RBM5: variants seen among roughly 807,000 people sequenced by gnomAD.
RBM5 encodes the protein RNA binding motif protein 5.
Under a neutral mutation model 124.6 loss-of-function variants are expected in RBM5, and 15 were observed. That is an observed-to-expected ratio of 0.12 (90% CI 0.08 to 0.19). The LOEUF (loss-of-function observed/expected upper bound fraction) is 0.19. Among genes scored for constraint, RBM5 ranks in the 10% least tolerant of loss-of-function variants. RBM5 has a pLI of 1.00. For synonymous variants in RBM5, 337 were observed against 361.2 expected (o/e 0.93, Z 0.76); for missense variants, 580 against 1,026.5 (o/e 0.57, Z 5.94).
intron 4 of RBM5, among the ~76,000 whole-genome samples, chr3:50,097,634 T>C (rs1380594231): frequency 2.0e-5 from 3 of 152,090 alleles, no homozygotes; most frequent in Admixed American, 6.5e-5. Flanking sequence ...GAGACTAGTA[T>C]ATTTTTGTGG....
rs746587173 is a variant in RBM5, at chr3:50,092,189, G to A, written c.164G>A (p.Arg55Gln). Residue 55 changes from arginine to glutamine, a missense_variant, in exon 3 of 25, where the codon CGA (arginine) becomes CAA (glutamine). Arg to Gln is a conservative substitution (Grantham distance 43). This residue lies in a region of RBM5 where 99 missense variants were observed against 121.1 expected (regional missense o/e 0.82). Transcript: ENST00000347869. ...DRRGDRYDDY[R>Q]DYDSPERERE... ...AGGGGTGATAGATATGATGACTACC[G>A]AGACTATGACAGTCCAGAGGTGAGT... is the stretch of plus-strand genomic sequence containing the variant. 4 of 1,613,442 alleles carry A rather than the reference G, an allele frequency of 2.5e-6. No homozygotes were observed. In the Admixed American group the frequency reaches 5.0e-5, roughly 20 times the overall value.
chr3:50,106,127 T>C (rs2091025027), intron 10 of RBM5, among the ~76,000 whole-genome samples: 1 of 100,666 alleles, frequency 9.9e-6, no homozygotes, highest in South Asian at 4.0e-4. Context: ...TATTTTTTTT[T>C]TTTTTTTTTT....
At chr3:50,090,503 ACTC>A in intron 2 of RBM5, 52 bp downstream of exon 2, 3 of 1,595,432 alleles carry the variant, frequency 1.9e-6, no homozygotes, top group Non-Finnish European at 8.6e-7. Context: ...TGGGGACTGA[ACTC>A]CTTGTTTAAA....
intron 17 of RBM5, 32 bp from the exon 18 acceptor site, chr3:50,113,351 G>A: frequency 2.1e-5 from 34 of 1,587,452 alleles, no homozygotes; most frequent in Non-Finnish European, 2.8e-5. Flanking sequence ...CAGAAAGTCT[G>A]CATTAATTGT....
In RBM5 at chr3:50,100,858, C is replaced by A. The variant is rs2090924108; in HGVS notation, c.483+253C>A. On this transcript the variant is annotated intron_variant, in intron 6 of 24. Transcript: ENST00000347869. This position sits in a 1 kb window ranked among gnomAD's most constrained non-coding sequence, Gnocchi z 5.1. ...CTACTGAATACCTGTCTGGTAATCA[C>A]TAAAACATCTTAATGTTTCCCTTTT... 5 of 389,566 alleles carry A rather than the reference C, an allele frequency of 1.3e-5. No individual in the cohort carries two copies. The East Asian group carries it at 1.9e-4, about 15-fold the overall frequency. The allele number at this position is 389,566 out of a possible 1,614,324, so 24.1% of individuals were successfully genotyped here.
intron 19 of RBM5, 28 bp from the exon 20 acceptor site, chr3:50,114,152 G>C: frequency 6.2e-7 from 1 of 1,614,162 alleles, no homozygotes; most frequent in Non-Finnish European, 8.5e-7. Context: ...TAAAACTTGA[G>C]TCTCATGGCT....
intron 14 of RBM5, among the ~76,000 whole-genome samples, chr3:50,108,762 A>G (rs1277904680): frequency 1.3e-5 from 2 of 152,142 alleles, no homozygotes; most frequent in African/African-American, 4.8e-5. Context: ...TCATGTACCC[A>G]AGGTTCTGGG....
intron 16 of RBM5, 89 bp from the exon 17 acceptor site, chr3:50,110,590 T>G: frequency 7.0e-7 from 1 of 1,434,982 alleles, no homozygotes; most frequent in South Asian, 1.2e-5. Context: ...AGAAGAAACA[T>G]TAGGCCTGCT....
intron 4 of RBM5, among the ~76,000 whole-genome samples, chr3:50,096,688 T>C (rs1460232012): frequency 6.6e-6 from 1 of 150,606 alleles, no homozygotes; most frequent in Non-Finnish European, 1.5e-5. Flanking sequence ...CTTTTGGGGC[T>C]CAGGCAATCC....
At chr3:50,097,134 G>A (rs965619532) in intron 4 of RBM5, among the ~76,000 whole-genome samples, 1 of 152,120 alleles carries the variant, frequency 6.6e-6, no homozygotes, top group African/African-American at 2.4e-5. Flanking sequence ...GGTGGCTCAC[G>A]CCTGTAATCC....
chr3:50,109,240 AT>A (rs1361988953), intron 14 of RBM5, among the ~76,000 whole-genome samples: 3 of 151,928 alleles, frequency 2.0e-5, no homozygotes, highest in Non-Finnish European at 4.4e-5. Flanking sequence ...CTCCCGGCTA[AT>A]TTTTTGTATT....
At chr3:50,090,349 G>A in intron 1 of RBM5, 33 bp from the exon 2 acceptor site, 1 of 1,493,770 alleles carries the variant, frequency 6.7e-7, no homozygotes, top group Non-Finnish European at 9.3e-7. Context: ...TGATCTCTGA[G>A]ATTTATAGCA....
Position 50,115,276 on chromosome 3 carries a change from C to T in RBM5, c.1840-152C>T, listed in dbSNP as rs2091226462. On this transcript the variant is annotated intron_variant, in intron 20 of 24. Coordinates refer to ENST00000347869, the MANE Select transcript of RBM5 (RefSeq NM_005778.4). ...CACTCAAGGACCTGACTGCTCCACG[C>T]AGTTGACAAAATGTGATTCATTACT... The T allele has an allele frequency of 8.9e-6, 8 of 902,994 alleles. 1 individual carries two copies. The South Asian group carries it at 1.2e-4, about 14-fold the overall frequency. 55.9% of individuals were successfully genotyped at this position (902,994 alleles called of 1,614,324 possible). A position where few individuals can be genotyped will look rare whatever the true frequency, so the allele number is the denominator to read the frequency against.
intron 3 of RBM5, 113 bp from the exon 4 acceptor site, chr3:50,093,607 A>C: frequency 8.7e-7 from 1 of 1,154,280 alleles, no homozygotes; most frequent in Non-Finnish European, 1.2e-6. Context: ...ATTACCATGG[A>C]GTGCTTGTGT....
At chr3:50,108,367 A>G in intron 14 of RBM5, 63 bp downstream of exon 14, 1 of 1,433,178 alleles carries the variant, frequency 7.0e-7, no homozygotes, top group Non-Finnish European at 9.8e-7. Context: ...AAATATGATT[A>G]AATGTCCTAA....
At chr3:50,116,710 T>G in intron 22 of RBM5, 1 of 299,824 alleles carries the variant, frequency 3.3e-6, no homozygotes, top group Non-Finnish European at 6.5e-6. Context: ...CCTTTCCAAA[T>G]GTTGGAGGTA....
At chr3:50,112,415 A>C (rs1191970375) in intron 17 of RBM5, among the ~76,000 whole-genome samples, 1 of 3,444 alleles carries the variant, frequency 2.9e-4, no homozygotes, top group African/African-American at 1.7e-3. Flanking sequence ...GACTCTGTCT[A>C]AAAAAAAAAA....
At chr3:50,106,978 G>A in intron 11 of RBM5, 114 bp downstream of exon 11, 2 of 891,504 alleles carry the variant, frequency 2.2e-6, no homozygotes, top group South Asian at 2.7e-5. Context: ...GATCCTCCCT[G>A]ATTGCCAAGG....
intron 7 of RBM5, among the ~76,000 whole-genome samples, chr3:50,103,520 G>C (rs555643598): frequency 6.6e-6 from 1 of 152,124 alleles, no homozygotes; most frequent in Admixed American, 6.6e-5. Context: ...CACGGTGCGC[G>C]CCTGTAATCC....
Sources: gnomAD v4.1 joint callset for allele counts (sites outside exome capture counted in the v4.1 genomes callset) on GRCh38, gnomAD v4.1.1 for gene constraint, gnomAD v4.1.1 regional missense constraint, Gnocchi (gnomAD v3.1) non-coding constraint, MANE v1.5 for transcripts, NCBI Gene and HGNC (gene_info 2026-07-23, HGNC 2026-07-21) for gene names.